PGBD2: variants seen among roughly 807,000 people sequenced by gnomAD.
The protein encoded by PGBD2 is piggyBac transposable element-derived protein 2.
Under a neutral mutation model 8.1 loss-of-function variants are expected in PGBD2, and 6 were observed. That is an observed-to-expected ratio of 0.74 (90% CI 0.40 to 1.46). The LOEUF (loss-of-function observed/expected upper bound fraction) is 1.46, where lower values mean the gene tolerates loss of function less well. Among genes scored for constraint, PGBD2 ranks in the 40% most tolerant of loss-of-function variants. The pLI is 0.02. For synonymous variants in PGBD2, 318 were observed against 272.2 expected, an observed-to-expected ratio of 1.17 and a Z score of -1.66; for missense variants, 802 against 739.0, an observed-to-expected ratio of 1.09 and a Z score of -0.99.
At chr1:248,916,423 A>G (rs565370201) in intron 2 of PGBD2, among the ~76,000 whole-genome samples, 179 bp from the exon 3 acceptor site, 2 of 152,172 alleles carry the variant, frequency 1.3e-5, no homozygotes, top group African/African-American at 2.4e-5. Context: ...TTATAACAAT[A>G]AAAAGCAGAA....
At position 248,914,432 on chromosome 1, in the gene PGBD2, C is replaced by T. The variant is rs1176708507; in HGVS notation, c.17+553C>T. The T allele has an allele frequency of 1.7e-5, 22 of 1,263,388 alleles. No individual in the cohort carries two copies. In the South Asian group the frequency reaches 1.9e-4, roughly 11 times the overall value. The allele number at this position is 1,263,388 out of a possible 1,614,324, so 78.3% of individuals were successfully genotyped here. On this transcript the variant is annotated intron_variant, in intron 2 of 2. Transcript: ENST00000329291. ...TTTAAGCCGGTCTCTTTTTCTGGCC[C>T]ATGCAGAGCTTGGATGAGTGAATAC...
chr1:248,896,637 A>C, the PGBD2 span, among the ~76,000 whole-genome samples: 1 of 152,092 alleles, frequency 6.6e-6, no homozygotes, highest in African/African-American at 2.4e-5. Flanking sequence ...TCCTACAAAA[A>C]ACTTTTAGAG....
At chr1:248,889,083 A>G in the PGBD2 span, among the ~76,000 whole-genome samples, 1 of 152,330 alleles carries the variant, frequency 6.6e-6, no homozygotes, top group Non-Finnish European at 1.5e-5. Flanking sequence ...AAGAATGATA[A>G]AAATAAAAAA....
the PGBD2 span, among the ~76,000 whole-genome samples, chr1:248,900,349 A>G: frequency 3.9e-5 from 6 of 152,318 alleles, no homozygotes; most frequent in East Asian, 1.2e-3. Flanking sequence ...ACTCAATAAA[A>G]TACTGGCAAG....
downstream of PGBD2, among the ~76,000 whole-genome samples, chr1:248,922,185 G>A (rs61838539): frequency 0.051 from 7,697 of 151,552 alleles, 280 homozygotes; most frequent in Non-Finnish European, 0.07. Context: ...TCAGTCTCCC[G>A]AGTAGCTGGG....
chr1:248,907,224 G>A (rs1299745929), intron 1 of PGBD2, among the ~76,000 whole-genome samples: 1 of 152,248 alleles, frequency 6.6e-6, no homozygotes, highest in African/African-American at 2.4e-5. Flanking sequence ...ATGCCTGGAT[G>A]TGCACGTAGG....
the PGBD2 span, among the ~76,000 whole-genome samples, chr1:248,896,603 T>C: frequency 1.3e-5 from 2 of 152,176 alleles, no homozygotes; most frequent in Admixed American, 1.3e-4. Flanking sequence ...CAGCTGCTTC[T>C]AATTGGCCAT....
the PGBD2 span, among the ~76,000 whole-genome samples, chr1:248,874,912 A>AGATAGATAGATG: frequency 4.2e-5 from 3 of 71,434 alleles, no homozygotes; most frequent in African/African-American, 1.3e-4. Flanking sequence ...AGAGATAGAT[A>AGATAGATAGATG]GATAGATAGA....
At chr1:248,929,707 A>C in the PGBD2 span, among the ~76,000 whole-genome samples, 1 of 152,190 alleles carries the variant, frequency 6.6e-6, no homozygotes, top group Admixed American at 6.5e-5. Flanking sequence ...AATTATAAGG[A>C]CCACTTAATA....
At chr1:248,920,829 C>A (rs1034445443), downstream of PGBD2, among the ~76,000 whole-genome samples, 1 of 152,140 alleles carries the variant, frequency 6.6e-6, no homozygotes, top group Admixed American at 6.5e-5. Flanking sequence ...TGTTAATGAT[C>A]GCCATTCTAA....
chr1:248,905,726 A>G (rs1368933531), upstream of PGBD2, among the ~76,000 whole-genome samples: 1 of 152,200 alleles, frequency 6.6e-6, no homozygotes, highest in African/African-American at 2.4e-5. Context: ...TTCCCTCTCA[A>G]CAAAGAATTA....
upstream of PGBD2, among the ~76,000 whole-genome samples, chr1:248,905,360 C>T (rs1295520797): frequency 6.6e-6 from 1 of 152,166 alleles, no homozygotes; most frequent in East Asian, 1.9e-4. Flanking sequence ...CAGGGCAAGG[C>T]AGTTTTCTGC....
chr1:248,874,247 T>C, the PGBD2 span, among the ~76,000 whole-genome samples: 2 of 152,226 alleles, frequency 1.3e-5, no homozygotes, highest in African/African-American at 2.4e-5. Flanking sequence ...GCATCATGTC[T>C]TCCCTGGTGG....
chr1:248,905,078 A>C (rs1429632250), upstream of PGBD2, among the ~76,000 whole-genome samples: 1 of 151,974 alleles, frequency 6.6e-6, no homozygotes, highest in African/African-American at 2.4e-5. Flanking sequence ...CTAGAGTAGC[A>C]CTCCCATTTT....
chr1:248,896,696 A>G, the PGBD2 span, among the ~76,000 whole-genome samples: 8 of 152,174 alleles, frequency 5.3e-5, no homozygotes, highest in Admixed American at 2.6e-4. Context: ...TTCAGCGCTC[A>G]CCAAGAAGAA....
rs1321343704 is a variant in PGBD2 at position 248,916,620 on chromosome 1, A to T, written c.36A>T (p.Arg12Ser). Residue 12 changes from arginine to serine, a missense_variant, in exon 3 of 3, where the codon AGA (arginine) becomes AGT (serine). Arg to Ser is a moderately radical substitution (Grantham distance 110, BLOSUM62 -1). Transcript: ENST00000329291. ...ATAACAGAGATGTCATTGCTGGGAG[A>T]GGTATCCACTCAAAGGTGAAGTCTG... ...ASTSRDVIAG[R>S]GIHSKVKSAK... is the part of the protein sequence containing the mutation. The T allele has an allele frequency of 6.2e-7, 1 of 1,613,848 alleles. No individual in the cohort carries two copies. The highest frequency in any genetic ancestry group is 1.7e-5 in the Admixed American group (1 of 60,006).
chr1:248,914,480 T>C (rs1662020352), intron 2 of PGBD2: 1 of 1,288,390 alleles, frequency 7.8e-7, no homozygotes, highest in African/African-American at 1.5e-5. Flanking sequence ...GAGGTCAGCA[T>C]GGCAGCTGAC....
the PGBD2 span, among the ~76,000 whole-genome samples, chr1:248,882,083 A>G: frequency 6.6e-6 from 1 of 152,178 alleles, no homozygotes; most frequent in Non-Finnish European, 1.5e-5. Context: ...CCCGCAATGC[A>G]ATGGGGCTCT....
the PGBD2 span, among the ~76,000 whole-genome samples, chr1:248,925,524 G>A: frequency 6.6e-6 from 1 of 151,142 alleles, no homozygotes; most frequent in Non-Finnish European, 1.5e-5. Flanking sequence ...TAAATTCAAA[G>A]CATCAGAAGA....
Sources: gnomAD v4.1 joint callset for allele counts (sites outside exome capture counted in the v4.1 genomes callset) on GRCh38, gnomAD v4.1.1 for gene constraint, MANE v1.5 for transcripts, NCBI Gene and HGNC (gene_info 2026-07-23, HGNC 2026-07-21) for gene names.